Variants in CFAP54 observed in about 807,000 individuals in gnomAD.
CFAP54 encodes cilia and flagella associated protein 54, also known as cilia- and flagella-associated protein 54.
A neutral mutation model predicts 370.4 loss-of-function variants in CFAP54; 290 were observed. The ratio of observed to expected loss-of-function variants is 0.78; its 90% CI spans 0.71 to 0.86. The LOEUF (loss-of-function observed/expected upper bound fraction) is 0.86. CFAP54 is among the 40% of genes least tolerant of loss of function. The pLI is 0.00. For missense variants in CFAP54, 3,399 were observed against 3,528.7 expected, an observed-to-expected ratio of 0.96 and a Z score of 0.93; for synonymous variants, 1,206 against 1,236.5, an observed-to-expected ratio of 0.98 and a Z score of 0.52.
intron 66 of CFAP54, among the ~76,000 whole-genome samples, chr12:96,849,661 C>T (rs1372992010): frequency 6.6e-6 from 1 of 152,142 alleles, no homozygotes; most frequent in African/African-American, 2.4e-5. Context: ...AAAGCATTGG[C>T]AAATAACCTT....
At chr12:96,745,573 A>G (rs1444933956) in intron 55 of CFAP54, among the ~76,000 whole-genome samples, 1 of 151,850 alleles carries the variant, frequency 6.6e-6, no homozygotes, top group African/African-American at 2.4e-5. Flanking sequence ...TCTGAATATT[A>G]GACCTTTGTC....
chr12:96,529,256 T>A (rs1472456922), intron 9 of CFAP54, among the ~76,000 whole-genome samples: 1 of 152,206 alleles, frequency 6.6e-6, no homozygotes, highest in Non-Finnish European at 1.5e-5. Context: ...GCTTTATATA[T>A]ATGTTGATTA....
chr12:96,800,357 C>T (rs1958808130), intron 63 of CFAP54, among the ~76,000 whole-genome samples: 1 of 152,180 alleles, frequency 6.6e-6, no homozygotes, highest in Admixed American at 6.5e-5. Context: ...AGAAGCAGAA[C>T]ACCAACTAAA....
chr12:96,529,626 A>T (rs1002399947), intron 9 of CFAP54, among the ~76,000 whole-genome samples: 1 of 152,082 alleles, frequency 6.6e-6, no homozygotes, highest in Non-Finnish European at 1.5e-5. Context: ...TTTTTCATAT[A>T]CTTTTTTCAC....
At chr12:96,610,390 A>G (rs534294616) in intron 26 of CFAP54, among the ~76,000 whole-genome samples, 122 of 152,284 alleles carry the variant, frequency 8.0e-4, no homozygotes, top group African/African-American at 2.8e-3. Flanking sequence ...ACAAAATTCA[A>G]AAGATAAACA....
At chr12:96,783,191 A>G (rs924948353) in intron 60 of CFAP54, among the ~76,000 whole-genome samples, 2 of 152,204 alleles carry the variant, frequency 1.3e-5, no homozygotes, top group Admixed American at 6.5e-5. Context: ...CAGATATGGG[A>G]TTAGTAACAC....
At chr12:96,850,894 C>G (rs964599562) in intron 66 of CFAP54, among the ~76,000 whole-genome samples, 1 of 152,078 alleles carries the variant, frequency 6.6e-6, no homozygotes, top group African/African-American at 2.4e-5. Flanking sequence ...GAGGAAACCA[C>G]CCCCGTGATC....
intron 44 of CFAP54, among the ~76,000 whole-genome samples, chr12:96,692,598 A>G (rs557113867): frequency 1.3e-5 from 2 of 152,348 alleles, no homozygotes; most frequent in South Asian, 4.1e-4. Flanking sequence ...GGGCATAGTT[A>G]TAGAAAAATG....
At chr12:96,738,062 A>C (rs954999304) in intron 50 of CFAP54, among the ~76,000 whole-genome samples, 2 of 152,084 alleles carry the variant, frequency 1.3e-5, no homozygotes, top group Non-Finnish European at 2.9e-5. Flanking sequence ...ATGGCAGAAA[A>C]CTGGTTAGGA....
intron 48 of CFAP54, among the ~76,000 whole-genome samples, chr12:96,712,880 C>T (rs1670711346): frequency 6.6e-6 from 1 of 152,030 alleles, no homozygotes; most frequent in Admixed American, 6.6e-5. Flanking sequence ...GGCAAAAGAC[C>T]TGGATAGATA....
intron 67 of CFAP54, among the ~76,000 whole-genome samples, chr12:96,864,405 G>T (rs1301238540): frequency 7.9e-5 from 12 of 152,058 alleles, no homozygotes; most frequent in Admixed American, 7.9e-4. Context: ...ATTGACCACT[G>T]GCCAGCTATT....
Position 96,621,455 on chromosome 12 carries a change from G to T in CFAP54, c.3640-135G>T, listed in dbSNP as rs553320428. 21 of 565,890 alleles carry T rather than the reference G, an allele frequency of 3.7e-5. 1 individual carries two copies. The highest frequency in any genetic ancestry group is 3.6e-4 in the South Asian group (8 of 22,344). The allele number at this position is 565,890 out of a possible 1,614,324, so 35.1% of individuals were successfully genotyped here. Reference sequence around the variant, plus strand: ...AATACGATCTGGAGGTAAACTTACGGTTTTTTTTAAAATAAAAGGGGGATT... The same window carrying T: ...AATACGATCTGGAGGTAAACTTACGTTTTTTTTTAAAATAAAAGGGGGATT... On this transcript the variant is annotated intron_variant, in intron 26 of 67. Coordinates refer to ENST00000524981, the MANE Select transcript of CFAP54 (RefSeq NM_001306084.2).
chr12:96,700,013 T>C lies in CFAP54; in HGVS notation c.6394T>C (p.Tyr2132His). ...IDLRFFSEAFYEISQIFYGKN... is the reference protein window; with the variant it reads ...IDLRFFSEAFHEISQIFYGKN... The stretch of plus-strand genomic sequence containing the variant: ...TTTGAGATTCTTTTCTGAAGCCTTT[T>C]ATGAGATATCCCAAATTTTCTATGG... The change falls in exon 46 of 68, where the codon TAT becomes CAT. Residue 2132 changes from tyrosine (Y) to histidine (H), a missense_variant. By Grantham distance (83) the Tyr-to-His change is moderately conservative. Coordinates refer to ENST00000524981, the MANE Select transcript of CFAP54 (RefSeq NM_001306084.2). 3 of 1,600,744 alleles carry C rather than the reference T, an allele frequency of 1.9e-6. No individual in the cohort carries two copies. Among genetic ancestry groups the C allele is most frequent in the Non-Finnish European group, 2.6e-6 (3 of 1,169,320 alleles).
intron 39 of CFAP54, among the ~76,000 whole-genome samples, chr12:96,674,591 C>A (rs718910): frequency 0.89 from 134,617 of 152,096 alleles, 59,812 homozygotes; most frequent in East Asian, 0.96. Context: ...GGAAAAAGAT[C>A]TGCAGGGCTT....
intron 19 of CFAP54, among the ~76,000 whole-genome samples, chr12:96,570,784 C>A (rs574214286): frequency 1.8e-3 from 281 of 152,300 alleles, no homozygotes; most frequent in African/African-American, 6.4e-3. Flanking sequence ...TTTGTCATAT[C>A]AGAACTATTA....
chr12:96,601,857 A>G (rs1354220535), intron 26 of CFAP54, among the ~76,000 whole-genome samples: 1 of 151,368 alleles, frequency 6.6e-6, no homozygotes, highest in Non-Finnish European at 1.5e-5. Context: ...TTTCTTCTTT[A>G]TTAGTCTTGC....
chr12:96,723,249 T>C (rs1434066060), intron 50 of CFAP54, among the ~76,000 whole-genome samples: 1 of 152,128 alleles, frequency 6.6e-6, no homozygotes, highest in Non-Finnish European at 1.5e-5. Context: ...AAAGACAGAA[T>C]TTTAATACTG....
chr12:96,511,761 G>A (rs565246835), intron 4 of CFAP54, among the ~76,000 whole-genome samples: 1 of 152,384 alleles, frequency 6.6e-6, no homozygotes, highest in South Asian at 2.1e-4. Flanking sequence ...TGGGATTATA[G>A]GCGTGAGCCA....
At chr12:96,670,950 A>G (rs1592700228) in intron 39 of CFAP54, among the ~76,000 whole-genome samples, 2 of 152,154 alleles carry the variant, frequency 1.3e-5, no homozygotes, top group Non-Finnish European at 2.9e-5. Context: ...CATCTTTTCA[A>G]TGAGGCTTAC....
Sources: allele counts gnomAD v4.1 joint callset (sites outside exome capture counted in the v4.1 genomes callset), GRCh38; gene constraint gnomAD v4.1.1; transcripts MANE v1.5; gene names NCBI Gene and HGNC (gene_info 2026-07-23, HGNC 2026-07-21).